Variants in KIF21A observed in about 807,000 individuals in gnomAD.
KIF21A encodes the protein kinesin-like protein KIF21A.
In KIF21A, 114 loss-of-function variants were observed where a neutral mutation model predicts 202.9. The observed-to-expected ratio is 0.56, with a 90% CI of 0.48 to 0.66. The LOEUF is 0.66. Ranked by LOEUF, KIF21A falls within the 30% of genes least tolerant of loss-of-function variation. KIF21A has a pLI of 0.00. For missense variants in KIF21A, 1,677 were observed against 1,994.9 expected (o/e 0.84, Z 3.04); for synonymous variants, 667 against 670.8 (o/e 0.99, Z 0.09).
In KIF21A at chr12:39,395,389, C is replaced by T. The variant is rs150760473; in HGVS notation, c.45-25128G>A. The stretch of plus-strand genomic sequence containing the variant: ...CGCTCATCCCACCCACCCGCTTCTT[C>T]ACCGCATTACTTCCGTTAGGCCAAT... On this transcript the variant is annotated intron_variant, in intron 1 of 37. Transcript: ENST00000361418. 2.0e-5 allele frequency among the ~76,000 whole-genome samples: 3 copies of T among 147,978 alleles called. No individual in the cohort carries two copies. The East Asian group carries it at 6.5e-4, about 32-fold the overall frequency.
At chr12:39,355,075 C>T (rs958061709) in intron 10 of KIF21A, among the ~76,000 whole-genome samples, 7 of 152,132 alleles carry the variant, frequency 4.6e-5, no homozygotes, top group African/African-American at 1.7e-4. Context: ...AGGGGTGGGA[C>T]ACACCTAATT....
chr12:39,400,432 C>A (rs1327124253), intron 1 of KIF21A, among the ~76,000 whole-genome samples: 1 of 152,172 alleles, frequency 6.6e-6, no homozygotes, highest in Non-Finnish European at 1.5e-5. Flanking sequence ...TAATGCTCTA[C>A]CTCCCCTCAC....
At chr12:39,412,060 A>G (rs1397390211) in intron 1 of KIF21A, among the ~76,000 whole-genome samples, 2 of 151,764 alleles carry the variant, frequency 1.3e-5, no homozygotes, top group Non-Finnish European at 2.9e-5. Context: ...ATGCTGGTCT[A>G]GAACTCCTGA....
rs578218449 is a variant in KIF21A at position 39,429,288 on chromosome 12, A to T, written c.44+13639T>A. Reference sequence around the variant, plus strand: ...AAAGATTAAGAAAACATTTTATTCAAACTGCTCTAGGGGGTTTAATCATCT... The same window carrying T: ...AAAGATTAAGAAAACATTTTATTCATACTGCTCTAGGGGGTTTAATCATCT... On this transcript the variant is annotated intron_variant, in intron 1 of 37. Transcript: ENST00000361418. Among the ~76,000 whole-genome samples the T allele has an allele frequency of 2.6e-5, 4 of 152,338 alleles. No individual in the cohort carries two copies. The East Asian group carries it at 7.7e-4, about 29-fold the overall frequency.
chr12:39,304,954 A>C lies in KIF21A; in HGVS notation c.4443-16T>G. The C allele has an allele frequency of 8.0e-7, 1 of 1,248,936 alleles. No individual in the cohort carries two copies. Among genetic ancestry groups the C allele is most frequent in the Non-Finnish European group, 1.2e-6 (1 of 853,808 alleles). 77.4% of individuals were successfully genotyped at this position (1,248,936 alleles called of 1,614,324 possible). A position where few individuals can be genotyped will look rare whatever the true frequency, so the allele number is the denominator to read the frequency against. ...AGACTGAAACCTTTAAAAATAAAGA[A>C]AAATAGTTTTGTTTAAAATTATTTC... is the stretch of plus-strand genomic sequence containing the variant. On this transcript the variant is annotated splice_polypyrimidine_tract_variant and intron_variant, in intron 34 of 37. Transcript: ENST00000361418.
intron 1 of KIF21A, among the ~76,000 whole-genome samples, chr12:39,436,448 A>ATATATATATATATATATTTTTTT (rs1387332677): frequency 7.3e-5 from 7 of 95,760 alleles, no homozygotes; most frequent in Non-Finnish European, 1.2e-4. Context: ...ATATATATAT[A>ATATATATATATATATATTTTTTT]TTTTTTTTTT....
At chr12:39,344,484 A>C (rs1255588567) in intron 12 of KIF21A, among the ~76,000 whole-genome samples, 1 of 152,132 alleles carries the variant, frequency 6.6e-6, no homozygotes, top group Non-Finnish European at 1.5e-5. Context: ...TTCTTGTATT[A>C]CTTCAAGTTC....
chr12:39,423,144 A>C (rs1244472550), intron 1 of KIF21A, among the ~76,000 whole-genome samples: 2 of 152,170 alleles, frequency 1.3e-5, no homozygotes, highest in African/African-American at 4.8e-5. Context: ...TAGAACACTC[A>C]TCTATACCCT....
intron 1 of KIF21A, among the ~76,000 whole-genome samples, chr12:39,408,845 GGTCCCACTCT>G (rs1952832072): frequency 1.3e-5 from 2 of 151,330 alleles, no homozygotes; most frequent in Non-Finnish European, 2.9e-5. Flanking sequence ...TTGGAGACAG[GGTCCCACTCT>G]GTCACTCAGG....
intron 12 of KIF21A, among the ~76,000 whole-genome samples, chr12:39,343,685 G>A (rs1947642529): frequency 6.6e-6 from 1 of 151,956 alleles, no homozygotes; most frequent in South Asian, 2.1e-4. Flanking sequence ...CTTTTCCCTT[G>A]TAAGGACTTT....
At chr12:39,357,146 C>G in intron 9 of KIF21A, 102 bp downstream of exon 9, 2 of 1,006,078 alleles carry the variant, frequency 2.0e-6, no homozygotes, top group Non-Finnish European at 3.2e-6. Flanking sequence ...TACACAGAGA[C>G]TGGCATTTCT....
At chr12:39,297,019 T>C (rs537245560) in intron 37 of KIF21A, among the ~76,000 whole-genome samples, 2 of 152,260 alleles carry the variant, frequency 1.3e-5, no homozygotes, top group East Asian at 1.9e-4. Context: ...GGTGAAGAAG[T>C]AGAGGATGTG....
At position 39,408,062 on chromosome 12, in the gene KIF21A, T is replaced by TA. The variant is rs1328735090; in HGVS notation, c.44+34864dup. Among the ~76,000 whole-genome samples, 3 of 152,082 alleles carry TA rather than the reference T, an allele frequency of 2.0e-5. No homozygotes were observed. The South Asian group carries it at 6.2e-4, about 32-fold the overall frequency. Reference sequence around the variant, plus strand: ...GCTGTAGTTAGCTAATGAGGATTTTTAAAAAACTTACAAATACATTAAAGA... The same window carrying TA: ...GCTGTAGTTAGCTAATGAGGATTTTTAAAAAAACTTACAAATACATTAAAGA... On this transcript the variant is annotated intron_variant, in intron 1 of 37. Coordinates refer to ENST00000361418, the MANE Select transcript of KIF21A (RefSeq NM_001173464.2).
At chr12:39,427,670 T>G (rs527319499) in intron 1 of KIF21A, among the ~76,000 whole-genome samples, 1 of 152,366 alleles carries the variant, frequency 6.6e-6, no homozygotes, top group South Asian at 2.1e-4. Context: ...CTTTTTTGTT[T>G]GTTTGTTTGA....
intron 37 of KIF21A, among the ~76,000 whole-genome samples, chr12:39,298,219 C>G (rs1942601248): frequency 6.6e-6 from 1 of 152,002 alleles, no homozygotes; most frequent in Non-Finnish European, 1.5e-5. Flanking sequence ...GAGAGGGAAC[C>G]CAAGCAGAGA....
chr12:39,372,198 G>A (rs1950010924), intron 1 of KIF21A, among the ~76,000 whole-genome samples: 1 of 152,098 alleles, frequency 6.6e-6, no homozygotes, highest in African/African-American at 2.4e-5. Flanking sequence ...AATAGAGAAA[G>A]GATTGAGTTT....
chr12:39,319,813 T>A, intron 28 of KIF21A, 93 bp downstream of exon 28: 1 of 867,518 alleles, frequency 1.2e-6, no homozygotes, highest in Non-Finnish European at 1.9e-6. Context: ...AGCACCAGCC[T>A]AAATCTGGAA....
chr12:39,344,922 G>C (rs544829957), intron 12 of KIF21A, among the ~76,000 whole-genome samples: 1 of 152,178 alleles, frequency 6.6e-6, no homozygotes, highest in Non-Finnish European at 1.5e-5. Context: ...AGGGAACTGT[G>C]GCCTGGAGAA....
intron 32 of KIF21A, 105 bp downstream of exon 32, chr12:39,311,312 T>A (rs1944006102): frequency 3.9e-6 from 4 of 1,036,954 alleles, no homozygotes; most frequent in Admixed American, 2.1e-5. Flanking sequence ...ATTATCCGAT[T>A]CTTTCTGGTC....
Sources: allele counts gnomAD v4.1 joint callset (sites outside exome capture counted in the v4.1 genomes callset), GRCh38; gene constraint gnomAD v4.1.1; transcripts MANE v1.5; gene names NCBI Gene and HGNC (gene_info 2026-07-23, HGNC 2026-07-21).